The following COG5 variants were observed in gnomAD, a reference collection of about 807,000 sequenced individuals.
COG5 encodes component of oligomeric golgi complex 5, also known as conserved oligomeric Golgi complex subunit 5.
COG5 carries 86 observed loss-of-function variants against 110.4 expected under a neutral mutation model. The ratio of observed to expected loss-of-function variants is 0.78; its 90% CI spans 0.65 to 0.93. The LOEUF (loss-of-function observed/expected upper bound fraction) is 0.93. Ranked by LOEUF, COG5 falls within the 40% of genes least tolerant of loss-of-function variation. COG5 has a pLI of 0.00. For synonymous variants in COG5, 360 were observed against 334.6 expected, an observed-to-expected ratio of 1.08 and a Z score of -0.83; for missense variants, 1,077 against 987.0, an observed-to-expected ratio of 1.09 and a Z score of -1.22.
At chr7:107,522,727 T>C (rs926029340) in intron 6 of COG5, among the ~76,000 whole-genome samples, 12 of 152,236 alleles carry the variant, frequency 7.9e-5, no homozygotes, top group Non-Finnish European at 1.6e-4. Flanking sequence ...TTAATATTTT[T>C]ATATGAAATG....
At chr7:107,414,973 G>C (rs866570028) in intron 6 of COG5, among the ~76,000 whole-genome samples, 4 of 151,522 alleles carry the variant, frequency 2.6e-5, no homozygotes, top group African/African-American at 9.7e-5. Context: ...TGATCCACCC[G>C]CCTCGGCCTC....
chr7:107,380,036 G>A (rs1360565193), intron 7 of COG5, among the ~76,000 whole-genome samples: 1 of 152,108 alleles, frequency 6.6e-6, no homozygotes, highest in African/African-American at 2.4e-5. Flanking sequence ...GTAAAACACT[G>A]CTCAGCAAAT....
intron 7 of COG5, among the ~76,000 whole-genome samples, chr7:107,384,388 G>A (rs941957845): frequency 2.0e-5 from 3 of 152,140 alleles, no homozygotes; most frequent in African/African-American, 7.2e-5. Flanking sequence ...GTGGAGCCTC[G>A]GGAAGTTCAC....
intron 11 of COG5, among the ~76,000 whole-genome samples, chr7:107,307,351 G>T (rs1300695471): frequency 2.0e-5 from 3 of 151,922 alleles, no homozygotes; most frequent in Non-Finnish European, 4.4e-5. Context: ...TTATTCTTCT[G>T]TGCTGACTTC....
At chr7:107,493,852 T>C (rs1798111445) in intron 6 of COG5, among the ~76,000 whole-genome samples, 1 of 152,112 alleles carries the variant, frequency 6.6e-6, no homozygotes, top group Non-Finnish European at 1.5e-5. Context: ...AAGAACAACT[T>C]CTATTGGGAC....
intron 6 of COG5, among the ~76,000 whole-genome samples, chr7:107,493,456 G>A (rs1007932303): frequency 6.6e-6 from 1 of 152,052 alleles, no homozygotes; most frequent in East Asian, 1.9e-4. Flanking sequence ...TTATCACTAA[G>A]CCCTTACTTC....
chr7:107,414,597 A>G (rs1792561343), intron 6 of COG5, among the ~76,000 whole-genome samples: 1 of 144,280 alleles, frequency 6.9e-6, no homozygotes, highest in African/African-American at 2.5e-5. Context: ...ATTCTAGTTT[A>G]TTATAGTTGC....
At chr7:107,346,090 T>C (rs569611704) in intron 10 of COG5, among the ~76,000 whole-genome samples, 107 of 152,322 alleles carry the variant, frequency 7.0e-4, no homozygotes, top group Middle Eastern at 3.4e-3. Flanking sequence ...TGATGCTGTA[T>C]AGAATTTTGA....
chr7:107,363,705 C>A (rs1263636770), intron 8 of COG5, among the ~76,000 whole-genome samples: 1 of 151,886 alleles, frequency 6.6e-6, no homozygotes, highest in Non-Finnish European at 1.5e-5. Context: ...GCATGTAATC[C>A]CAGAACTTTG....
intron 21 of COG5, chr7:107,210,299 C>T (rs1799069274): frequency 8.5e-6 from 12 of 1,419,754 alleles, no homozygotes; most frequent in Non-Finnish European, 1.1e-5. Flanking sequence ...CAGGATTGCA[C>T]ATCAGGGATA....
intron 5 of COG5, among the ~76,000 whole-genome samples, chr7:107,534,266 C>T (rs910354020): frequency 4.6e-5 from 7 of 151,432 alleles, no homozygotes; most frequent in African/African-American, 1.7e-4. Context: ...AACTAATGAG[C>T]AAAATAACAA....
intron 5 of COG5, among the ~76,000 whole-genome samples, chr7:107,542,912 CAGTG>C (rs1802141453): frequency 6.7e-6 from 1 of 149,550 alleles, no homozygotes; most frequent in South Asian, 2.1e-4. Flanking sequence ...GCGGAGGCTG[CAGTG>C]AGCCAAGATC....
At chr7:107,302,776 T>C (rs146049157) in intron 11 of COG5, among the ~76,000 whole-genome samples, 1 of 152,316 alleles carries the variant, frequency 6.6e-6, no homozygotes, top group East Asian at 1.9e-4. Flanking sequence ...ACAAAAGTAG[T>C]AGTTTCTTCA....
intron 12 of COG5, among the ~76,000 whole-genome samples, chr7:107,290,261 A>G (rs929863875): frequency 6.6e-6 from 1 of 151,458 alleles, no homozygotes; most frequent in African/African-American, 2.4e-5. Flanking sequence ...CTTCCTGCCC[A>G]CTCTTTCCCC....
At chr7:107,353,786 T>C (rs1224900330) in intron 10 of COG5, among the ~76,000 whole-genome samples, 5 of 152,182 alleles carry the variant, frequency 3.3e-5, no homozygotes, top group African/African-American at 9.6e-5. Context: ...TATATTCTGA[T>C]ATATCCTTTA....
chr7:107,253,230 G>C (rs183573530), intron 16 of COG5: 33 of 152,294 alleles, frequency 2.2e-4, no homozygotes, highest in African/African-American at 6.0e-4. Flanking sequence ...AGGAAGAGAA[G>C]AGAGCATCTT....
chr7:107,373,635 G>C (rs550799674), intron 7 of COG5, among the ~76,000 whole-genome samples: 44 of 152,186 alleles, frequency 2.9e-4, no homozygotes, highest in Non-Finnish European at 5.6e-4. Flanking sequence ...AGAAGATGAG[G>C]GAGGTATTGA....
chr7:107,208,868 T>C (rs1798957551), intron 21 of COG5: 1 of 985,448 alleles, frequency 1.0e-6, no homozygotes, highest in East Asian at 1.1e-4. Context: ...TGACCTGTCA[T>C]AGCTTCCTCA....
At chr7:107,507,230 T>C (rs189674925) in intron 6 of COG5, among the ~76,000 whole-genome samples, 2 of 152,308 alleles carry the variant, frequency 1.3e-5, no homozygotes, top group East Asian at 1.9e-4. Context: ...AAGCTCATGG[T>C]TTATTTTCAA....
Sources: allele counts gnomAD v4.1 joint callset (sites outside exome capture counted in the v4.1 genomes callset), GRCh38; gene constraint gnomAD v4.1.1; transcripts MANE v1.5; gene names NCBI Gene and HGNC (gene_info 2026-07-23, HGNC 2026-07-21).